The following SCN10A variants were observed in gnomAD, a reference collection of about 807,000 sequenced individuals.
SCN10A encodes the protein sodium voltage-gated channel alpha subunit 10.
Under a neutral mutation model 170.7 loss-of-function variants are expected in SCN10A, and 162 were observed. The ratio of observed to expected loss-of-function variants is 0.95; its 90% CI spans 0.84 to 1.08. SCN10A has a LOEUF of 1.08. Among genes scored for constraint, SCN10A ranks in the 50% least tolerant of loss-of-function variants. The probability of loss-of-function intolerance (pLI) is 0.00; values close to 1 mark genes in which losing one functional copy is unlikely to be tolerated. For synonymous variants in SCN10A, 985 were observed against 904.6 expected, an observed-to-expected ratio of 1.09 and a Z score of -1.59; for missense variants, 2,527 against 2,436.9, an observed-to-expected ratio of 1.04 and a Z score of -0.78.
intron 4 of SCN10A, among the ~76,000 whole-genome samples, chr3:38,786,806 C>A (rs978766353): frequency 6.6e-6 from 1 of 152,056 alleles, no homozygotes; most frequent in African/African-American, 2.4e-5. Flanking sequence ...TGGGGTGCCA[C>A]CTTTTCACAC....
rs767699386 is a variant in SCN10A at position 38,709,587 on chromosome 3, T to C, written c.4172A>G (p.Asn1391Ser). Residue 1391 changes from asparagine (N) to serine (S), a missense_variant, in exon 25 of 28, where the codon AAC becomes AGC. Coordinates refer to ENST00000449082, the MANE Select transcript of SCN10A (RefSeq NM_006514.4). ...EVNMQPKWEDNVYMYLYFVIF... is the reference protein window; with the variant it reads ...EVNMQPKWEDSVYMYLYFVIF... Reference sequence around the variant, plus strand: ...GACAAAGTACAAATACATGTACACGTTGTCCTCCCACTTGGGTTGCATGTT... The same window carrying C: ...GACAAAGTACAAATACATGTACACGCTGTCCTCCCACTTGGGTTGCATGTT... 6 of 1,609,314 alleles carry C rather than the reference T, an allele frequency of 3.7e-6. No individual in the cohort carries two copies. The highest frequency in any genetic ancestry group is 5.1e-6 in the Non-Finnish European group (6 of 1,177,922).
chr3:38,748,725 A>G (rs2063718000), intron 13 of SCN10A, among the ~76,000 whole-genome samples: 1 of 152,154 alleles, frequency 6.6e-6, no homozygotes, highest in Non-Finnish European at 1.5e-5. Context: ...TTCTGGAGCC[A>G]CAGGGCTCTC....
intron 5 of SCN10A, among the ~76,000 whole-genome samples, chr3:38,769,322 T>C (rs976848694): frequency 2.2e-5 from 3 of 136,748 alleles, no homozygotes; most frequent in African/African-American, 8.1e-5. Flanking sequence ...CACCGCAACC[T>C]CTGCCTCCCA....
chr3:38,809,032 C>T (rs903944485), intron 1 of SCN10A, among the ~76,000 whole-genome samples: 27 of 152,222 alleles, frequency 1.8e-4, no homozygotes, highest in Non-Finnish European at 2.4e-4. Flanking sequence ...CCTCTGCAAA[C>T]TCTGGTGCTT....
intron 26 of SCN10A, among the ~76,000 whole-genome samples, chr3:38,704,507 G>T (rs73825867): frequency 6.6e-6 from 1 of 152,222 alleles, no homozygotes; most frequent in Non-Finnish European, 1.5e-5. Flanking sequence ...CACGGTCAGG[G>T]ATCATACCTT....
chr3:38,760,780 T>C (rs746490599), intron 7 of SCN10A, 33 bp from the exon 8 acceptor site: 7 of 1,572,460 alleles, frequency 4.5e-6, no homozygotes, highest in African/African-American at 1.4e-5. Flanking sequence ...GCCTCACAGA[T>C]GGTTCTGAAC....
At chr3:38,707,645 G>T (rs561620672) in intron 25 of SCN10A, among the ~76,000 whole-genome samples, 1 of 152,264 alleles carries the variant, frequency 6.6e-6, no homozygotes, top group East Asian at 1.9e-4. Flanking sequence ...ATAAAGGGTG[G>T]GGAGGGTTGG....
intron 4 of SCN10A, among the ~76,000 whole-genome samples, chr3:38,772,733 AAAC>A (rs1307387735): frequency 0.044 from 3,539 of 79,610 alleles, 51 homozygotes; most frequent in African/African-American, 0.086. Context: ...ACAAAAACAA[AAAC>A]AAAAAAAAAA....
chr3:38,756,535 A>G, intron 10 of SCN10A, 139 bp downstream of exon 10: 1 of 722,864 alleles, frequency 1.4e-6, no homozygotes, highest in Non-Finnish European at 2.4e-6. Flanking sequence ...AGAAAACCTG[A>G]TCTAATATGG....
chr3:38,799,407 G>C (rs11710188), intron 1 of SCN10A, among the ~76,000 whole-genome samples: 1 of 152,168 alleles, frequency 6.6e-6, no homozygotes, highest in African/African-American at 2.4e-5. Context: ...GTAAACAAGT[G>C]TCCTCTGGGA....
chr3:38,814,137 T>C (rs1331075811), intron 1 of SCN10A, among the ~76,000 whole-genome samples: 2 of 152,176 alleles, frequency 1.3e-5, no homozygotes, highest in African/African-American at 4.8e-5. Flanking sequence ...GAAGGCACTA[T>C]GCCTTGTGAG....
At chr3:38,714,215 G>A (rs2063307762) in intron 21 of SCN10A, 135 bp from the exon 22 acceptor site, 2 of 1,010,500 alleles carry the variant, frequency 2.0e-6, no homozygotes, top group Non-Finnish European at 2.9e-6. Context: ...ACCTTATTCG[G>A]AACTCCAATG....
intron 1 of SCN10A, among the ~76,000 whole-genome samples, chr3:38,804,258 C>T (rs1417060872): frequency 1.3e-5 from 2 of 152,038 alleles, no homozygotes; most frequent in Non-Finnish European, 1.5e-5. Context: ...CTCATATTCT[C>T]TTCATGTTTA....
intron 5 of SCN10A, among the ~76,000 whole-genome samples, chr3:38,768,976 A>G (rs965679841): frequency 6.6e-6 from 1 of 151,906 alleles, no homozygotes; most frequent in Non-Finnish European, 1.5e-5. Flanking sequence ...TGTGTGTCTT[A>G]GTTTGGGTCT....
In SCN10A at chr3:38,726,995, C is replaced by T; in HGVS notation, c.2698G>A (p.Ala900Thr). 6.2e-7 allele frequency: 1 copy of T among 1,614,208 alleles called. No individual in the cohort carries two copies. Residue 900 changes from alanine to threonine, a missense_variant, in exon 17 of 28, where the codon GCC becomes ACC. By Grantham distance (58) the Ala-to-Thr change is moderately conservative. Coordinates refer to ENST00000449082, the MANE Select transcript of SCN10A (RefSeq NM_006514.4). ...LNSFSADNLTAPEDDGEVNNL... is the reference protein window; with the variant it reads ...LNSFSADNLTTPEDDGEVNNL... ...TTCACCTCCCCATCGTCCTCCGGGG[C>T]TGTGAGGTTGTCAGCACTGAAAGAG...
intron 23 of SCN10A, among the ~76,000 whole-genome samples, chr3:38,711,525 G>A (rs2063273909): frequency 6.6e-6 from 1 of 152,126 alleles, no homozygotes. Flanking sequence ...TATCTCCCAG[G>A]GCTGAGTAGT....
In SCN10A at chr3:38,757,126, A is replaced by T. The variant is rs1048315734; in HGVS notation, c.984T>A (p.Thr328=). 6.2e-7 allele frequency: 1 copy of T among 1,612,608 alleles called. No individual in the cohort carries two copies. Among genetic ancestry groups the T allele is most frequent in the African/African-American group, 1.3e-5 (1 of 75,014 alleles). The part of the protein sequence containing the change: ...HCPDGYICLK[T]SDNPDFNYTS... The stretch of plus-strand genomic sequence containing the variant: ...TGTAGTTAAAATCCGGGTTGTCAGA[A>T]GTTTTAAGGCAGATATAACCATCAG... Residue 328 remains threonine, a synonymous_variant, in exon 9 of 28, where the codon ACT becomes ACA. Coordinates refer to ENST00000449082, the MANE Select transcript of SCN10A (RefSeq NM_006514.4).
chr3:38,783,778 C>A (rs528426085), intron 4 of SCN10A, among the ~76,000 whole-genome samples: 1 of 152,078 alleles, frequency 6.6e-6, no homozygotes, highest in South Asian at 2.1e-4. Flanking sequence ...CTAGATAATA[C>A]CCCTTGCTTT....
At chr3:38,763,300 T>C (rs942765852) in intron 6 of SCN10A, among the ~76,000 whole-genome samples, 2 of 152,038 alleles carry the variant, frequency 1.3e-5, no homozygotes, top group African/African-American at 2.4e-5. Flanking sequence ...GGCCTAGGAG[T>C]TGGGACAATA....
Sources: allele counts gnomAD v4.1 joint callset (sites outside exome capture counted in the v4.1 genomes callset), GRCh38; gene constraint gnomAD v4.1.1; transcripts MANE v1.5; gene names NCBI Gene and HGNC (gene_info 2026-07-23, HGNC 2026-07-21).